Variants in CIT observed in about 807,000 individuals in gnomAD.
CIT encodes citron rho-interacting serine/threonine kinase.
CIT carries 79 observed loss-of-function variants against 272.7 expected under a neutral mutation model. That is an observed-to-expected ratio of 0.29 (90% CI 0.24 to 0.35). The LOEUF (loss-of-function observed/expected upper bound fraction) is 0.35, where lower values mean the gene tolerates loss of function less well. CIT is among the 10% of genes least tolerant of loss of function. CIT has a pLI of 1.00. For missense variants in CIT, 1,909 were observed against 2,618.3 expected (o/e 0.73, Z 5.91); for synonymous variants, 948 against 995.6 (o/e 0.95, Z 0.90).
At chr12:119,823,075 T>TTG (rs1488503726) in intron 8 of CIT, 102 bp from the exon 9 acceptor site, 13 of 1,300,904 alleles carry the variant, frequency 1.0e-5, no homozygotes, top group African/African-American at 9.0e-5. Context: ...TTTCTTTTTT[T>TTG]TTGTTTTTTA....
intron 10 of CIT, among the ~76,000 whole-genome samples, chr12:119,800,263 A>G (rs1311915540): frequency 2.0e-5 from 3 of 152,090 alleles, no homozygotes; most frequent in Non-Finnish European, 4.4e-5. Flanking sequence ...TCCAAGACTA[A>G]TTTCACCATA....
chr12:119,767,648 A>T (rs1288486076), intron 18 of CIT, among the ~76,000 whole-genome samples: 1 of 152,216 alleles, frequency 6.6e-6, no homozygotes, highest in Non-Finnish European at 1.5e-5. Flanking sequence ...CTAAAAAGGA[A>T]AACTAATGTT....
At chr12:119,870,065 G>A (rs192668152) in intron 2 of CIT, among the ~76,000 whole-genome samples, 1 of 152,308 alleles carries the variant, frequency 6.6e-6, no homozygotes, top group African/African-American at 2.4e-5. Flanking sequence ...GCCAAGCCAT[G>A]GATAGTGGTG....
chr12:119,708,350 T>C (rs1024926752), intron 39 of CIT, 32 bp from the exon 40 acceptor site: 1 of 1,501,408 alleles, frequency 6.7e-7, no homozygotes. Flanking sequence ...CTCTCGTCAG[T>C]GTGAAGCCGT....
chr12:119,876,612 G>C (rs2138450663), intron 1 of CIT, among the ~76,000 whole-genome samples: 1 of 152,332 alleles, frequency 6.6e-6, no homozygotes, highest in East Asian at 1.9e-4. Flanking sequence ...ATGGGGGTGA[G>C]ATGGTGCAAT....
At chr12:119,775,918 T>C in intron 15 of CIT, 79 bp from the exon 16 acceptor site, 1 of 1,146,196 alleles carries the variant, frequency 8.7e-7, no homozygotes, top group Non-Finnish European at 1.3e-6. Context: ...AGTCCTATTC[T>C]CTTGAGGTTT....
chr12:119,709,160 G>A (rs56096252), intron 39 of CIT, among the ~76,000 whole-genome samples: 20,760 of 152,134 alleles, frequency 0.14, 3,307 homozygotes, highest in African/African-American at 0.39. Context: ...CCTAAATGCA[G>A]AAATTATAGT....
intron 13 of CIT, 70 bp from the exon 14 acceptor site, chr12:119,776,912 G>A: frequency 6.6e-7 from 1 of 1,508,090 alleles, no homozygotes; most frequent in Non-Finnish European, 9.1e-7. Flanking sequence ...AGTGAGGATG[G>A]AAGAGTATTA....
At chr12:119,701,808 G>A (rs1330949601) in intron 42 of CIT, 42 bp downstream of exon 42, 1 of 1,614,186 alleles carries the variant, frequency 6.2e-7, no homozygotes, top group South Asian at 1.1e-5. Flanking sequence ...TCTCAGCGCG[G>A]CCTGAGCCAT....
chr12:119,697,666 A>T lies in CIT; in HGVS notation c.5875T>A (p.Ser1959Thr), dbSNP rs888210817. Residue 1959 changes from serine to threonine, a missense_variant, in exon 46 of 48, where the codon TCC becomes ACC. Physicochemically the swap from Ser to Thr is moderately conservative, Grantham distance 58. Transcript: ENST00000392521. This position sits in a 1 kb window ranked among gnomAD's most constrained non-coding sequence, Gnocchi z 4.9. ...GTEHHRGPSTSRSSPNKRGPP... is the reference protein window; with the variant it reads ...GTEHHRGPSTTRSSPNKRGPP... ...AGAGGAGAAGCTGGTTACCTGCGGGAGGTGGACGGGCCCCGGTGGTGTTCA... is the reference window on the plus strand; with the variant it reads ...AGAGGAGAAGCTGGTTACCTGCGGGTGGTGGACGGGCCCCGGTGGTGTTCA... 6.2e-7 allele frequency: 1 copy of T among 1,613,558 alleles called. No homozygotes were observed. Among genetic ancestry groups the T allele is most frequent in the African/African-American group, 1.3e-5 (1 of 74,900 alleles).
At chr12:119,739,682 CA>C (rs1363538701) in intron 24 of CIT, among the ~76,000 whole-genome samples, 2 of 152,030 alleles carry the variant, frequency 1.3e-5, no homozygotes, top group African/African-American at 4.8e-5. Flanking sequence ...TAGTAGTAAC[CA>C]ATGTTGTTTA....
intron 40 of CIT, among the ~76,000 whole-genome samples, chr12:119,707,453 G>A (rs368431987): frequency 1.3e-5 from 2 of 152,120 alleles, no homozygotes; most frequent in Admixed American, 6.5e-5. Context: ...AGGCCATGAA[G>A]AGAGGATTCT....
intron 19 of CIT, among the ~76,000 whole-genome samples, chr12:119,765,215 A>T (rs1178214911): frequency 2.6e-5 from 4 of 151,900 alleles, no homozygotes; most frequent in African/African-American, 9.7e-5. Flanking sequence ...TCTACTCAAA[A>T]GCCCGGGAGA....
In CIT at chr12:119,712,814, G is replaced by A. The variant is rs1216410959; in HGVS notation, c.4580-119C>T. 6.6e-6 allele frequency: 5 copies of A among 756,412 alleles called. No individual in the cohort carries two copies. The African/African-American group carries it at 8.7e-5, about 13-fold the overall frequency. 46.9% of individuals were successfully genotyped at this position (756,412 alleles called of 1,614,324 possible). On this transcript the variant is annotated intron_variant, in intron 35 of 47. Coordinates refer to ENST00000392521, the MANE Select transcript of CIT (RefSeq NM_001206999.2). The surrounding 1 kb of genome is among the most constrained non-coding windows in gnomAD (Gnocchi z 5.2). ...GAGACAGGGTACGTGTGTAAAGAGA[G>A]GCGCACGAGAACAAGGAAGGGACAG...
intron 24 of CIT, among the ~76,000 whole-genome samples, chr12:119,737,597 A>G (rs998302050): frequency 5.0e-4 from 76 of 152,132 alleles, no homozygotes; most frequent in Admixed American, 2.6e-4. Flanking sequence ...GTATCACTCA[A>G]TTGAGATGGG....
chr12:119,688,345 CT>C, intron 47 of CIT, 90 bp from the exon 48 acceptor site: 1 of 1,273,484 alleles, frequency 7.9e-7, no homozygotes, highest in Non-Finnish European at 1.1e-6. Context: ...TCTGCAGCCC[CT>C]GGGCTATCCC....
chr12:119,849,145 G>C (rs1206299775), intron 5 of CIT, among the ~76,000 whole-genome samples: 1 of 152,090 alleles, frequency 6.6e-6, no homozygotes, highest in East Asian at 1.9e-4. Flanking sequence ...AAAACGGAGA[G>C]GCCGGGCACA....
intron 17 of CIT, among the ~76,000 whole-genome samples, chr12:119,771,446 C>G (rs1026167863): frequency 6.6e-6 from 1 of 152,084 alleles, no homozygotes; most frequent in African/African-American, 2.4e-5. Flanking sequence ...AGCAGAAACA[C>G]AGCAGTAGTC....
Position 119,776,837 on chromosome 12 carries a change from G to A in CIT, c.1671C>T (p.Tyr557=), listed in dbSNP as rs761971239. The A allele has an allele frequency of 1.1e-5, 17 of 1,613,556 alleles. No individual in the cohort carries two copies. Among genetic ancestry groups the A allele is most frequent in the African/African-American group, 1.3e-5 (1 of 74,872 alleles). ...ACCTCATTTCTTCCACTTGAGCCTG[G>A]TACTCCTAAAGAGCAGGCAATGAAA... ...RKLQEIKEQE[Y]QAQVEEMRLM... is the part of the protein sequence containing the mutation. The change falls in exon 14 of 48, where the codon TAC becomes TAT. Residue 557 remains tyrosine (Y), a synonymous_variant. Transcript: ENST00000392521.
Sources: gnomAD v4.1 joint callset for allele counts (sites outside exome capture counted in the v4.1 genomes callset) on GRCh38, gnomAD v4.1.1 for gene constraint, Gnocchi (gnomAD v3.1) non-coding constraint, MANE v1.5 for transcripts, NCBI Gene and HGNC (gene_info 2026-07-23, HGNC 2026-07-21) for gene names.